SOS2: variants seen among roughly 807,000 people sequenced by gnomAD.
SOS2 encodes son of sevenless homolog 2.
In SOS2, 65 loss-of-function variants were observed where a neutral mutation model predicts 148.2. The ratio of observed to expected loss-of-function variants is 0.44; its 90% CI spans 0.36 to 0.54. The LOEUF (loss-of-function observed/expected upper bound fraction) is 0.54. Ranked by LOEUF, SOS2 falls within the 20% of genes least tolerant of loss-of-function variation. The pLI is 0.00. For missense variants in SOS2, 1,341 were observed against 1,590.2 expected (o/e 0.84, Z 2.67); for synonymous variants, 539 against 537.1 (o/e 1.00, Z -0.05).
chr14:50,140,366 T>C (rs1283794140), intron 16 of SOS2, among the ~76,000 whole-genome samples: 1 of 152,260 alleles, frequency 6.6e-6, no homozygotes, highest in African/African-American at 2.4e-5. Context: ...ATGAAAATTA[T>C]AACCCCTGAA....
At chr14:50,122,087 A>C (rs1257461596) in intron 21 of SOS2, among the ~76,000 whole-genome samples, 1 of 152,188 alleles carries the variant, frequency 6.6e-6, no homozygotes, top group Non-Finnish European at 1.5e-5. Context: ...GGTATAAATC[A>C]ATCAGAGTAA....
In SOS2 at chr14:50,225,609, C is replaced by T. The variant is rs1005065685; in HGVS notation, c.87+5588G>A. Among the ~76,000 whole-genome samples the T allele has an allele frequency of 8.1e-4, 123 of 152,258 alleles. 1 individual carries two copies. The highest frequency in any genetic ancestry group is 2.6e-3 in the African/African-American group (110 of 41,546). ...CTCATCTAGTTCTGGCTGAACTCTT[C>T]GGGTCAGTTTGGGTCATTATTAGTT... On this transcript the variant is annotated intron_variant, in intron 1 of 22. Coordinates refer to ENST00000216373, the MANE Select transcript of SOS2 (RefSeq NM_006939.4).
At chr14:50,133,242 CTTTTTTCTT>C (rs1883955434) in intron 19 of SOS2, among the ~76,000 whole-genome samples, 1 of 78,808 alleles carries the variant, frequency 1.3e-5, no homozygotes, top group South Asian at 3.9e-4. Flanking sequence ...TTTCTTTTTT[CTTTTTTCTT>C]TTTTTTTTTT....
At chr14:50,183,071 T>C (rs1490091189) in intron 5 of SOS2, among the ~76,000 whole-genome samples, 2 of 152,216 alleles carry the variant, frequency 1.3e-5, no homozygotes, top group Admixed American at 1.3e-4. Flanking sequence ...ATTTTTGCAT[T>C]TTGCTCTTGG....
intron 13 of SOS2, 28 bp downstream of exon 13, chr14:50,153,042 G>T: frequency 9.5e-7 from 1 of 1,054,532 alleles, no homozygotes; most frequent in Non-Finnish European, 1.4e-6. Flanking sequence ...TTCAATATAA[G>T]ATTCAATCAA....
chr14:50,137,134 T>TAATA (rs1292761008), intron 18 of SOS2, among the ~76,000 whole-genome samples: 3 of 152,190 alleles, frequency 2.0e-5, no homozygotes, highest in African/African-American at 7.2e-5. Context: ...AGTTCAAGTA[T>TAATA]AATATAATAA....
chr14:50,141,649 A>T (rs1364449211), intron 16 of SOS2, among the ~76,000 whole-genome samples: 1 of 152,240 alleles, frequency 6.6e-6, no homozygotes, highest in Non-Finnish European at 1.5e-5. Context: ...CGATGTTCAC[A>T]GTTGAAAAGA....
intron 8 of SOS2, among the ~76,000 whole-genome samples, chr14:50,164,299 G>T (rs1481355582): frequency 1.3e-5 from 2 of 152,004 alleles, no homozygotes; most frequent in African/African-American, 4.8e-5. Context: ...AATTAGCCGG[G>T]CGTGGTGATG....
chr14:50,191,915 T>G (rs1331946842), intron 4 of SOS2, among the ~76,000 whole-genome samples: 1 of 151,974 alleles, frequency 6.6e-6, no homozygotes, highest in African/African-American at 2.4e-5. Context: ...GTCACCAGTC[T>G]GAAACTGGGA....
At chr14:50,122,391 CT>C (rs71118839) in intron 21 of SOS2, among the ~76,000 whole-genome samples, 10 of 88,288 alleles carry the variant, frequency 1.1e-4, no homozygotes, top group Admixed American at 3.2e-4. Flanking sequence ...GAACCCTGGG[CT>C]TTTTTTTTTT....
chr14:50,206,633 C>T (rs1057161124), intron 1 of SOS2, among the ~76,000 whole-genome samples: 4 of 152,134 alleles, frequency 2.6e-5, no homozygotes, highest in Non-Finnish European at 5.9e-5. Flanking sequence ...GGATTAAGAA[C>T]CCAAGGATAA....
At chr14:50,121,613 T>C (rs1280150407) in intron 21 of SOS2, among the ~76,000 whole-genome samples, 2 of 141,754 alleles carry the variant, frequency 1.4e-5, no homozygotes, top group East Asian at 2.1e-4. Context: ...TGTGGGGAGG[T>C]TAGGCAGAGG....
At position 50,145,041 on chromosome 14, in the gene SOS2, A is replaced by G. The variant is rs1566825598; in HGVS notation, c.2667+129T>C. 20 of 418,892 alleles carry G rather than the reference A, an allele frequency of 4.8e-5. No individual in the cohort carries two copies. The East Asian group carries it at 7.8e-4, about 16-fold the overall frequency. 25.9% of individuals were successfully genotyped at this position (418,892 alleles called of 1,614,324 possible). On this transcript the variant is annotated intron_variant, in intron 16 of 22. Coordinates refer to ENST00000216373, the MANE Select transcript of SOS2 (RefSeq NM_006939.4). ...TATCAACATATTTTCTAATATATTT[A>G]TATCATATTTATGAAGCAAGGATGA...
chr14:50,223,079 G>A (rs73291663), intron 1 of SOS2, among the ~76,000 whole-genome samples: 32,923 of 151,950 alleles, frequency 0.22, 3,935 homozygotes, highest in East Asian at 0.44. Flanking sequence ...TTAGATGTGT[G>A]GTATAAAAAA....
At chr14:50,149,072 T>C (rs1884582333) in intron 14 of SOS2, among the ~76,000 whole-genome samples, 1 of 152,158 alleles carries the variant, frequency 6.6e-6, no homozygotes, top group South Asian at 2.1e-4. Flanking sequence ...CTATTTTTTG[T>C]AGTTTTTGTA....
At chr14:50,207,253 C>T (rs530516280) in intron 1 of SOS2, among the ~76,000 whole-genome samples, 1 of 152,242 alleles carries the variant, frequency 6.6e-6, no homozygotes, top group African/African-American at 2.4e-5. Flanking sequence ...TGGTTCATGC[C>T]TGTAATCCCA....
rs1883321506 is a variant in SOS2 at position 50,117,459 on chromosome 14, A to C, written c.*885T>G. ...AGTTACTAGGTCTTGAAGGCAAGGC[A>C]GTTGGTTCCTATGCCATAGAATTTT... On this transcript the variant is annotated 3_prime_UTR_variant, in exon 23 of 23. Transcript: ENST00000216373. The C allele has an allele frequency of 6.6e-6, 1 of 152,266 alleles. No individual in the cohort carries two copies. Among genetic ancestry groups the C allele is most frequent in the African/African-American group, 2.4e-5 (1 of 41,470 alleles). 9.4% of individuals were successfully genotyped at this position (152,266 alleles called of 1,614,324 possible). A position where few individuals can be genotyped will look rare whatever the true frequency, so the allele number is the denominator to read the frequency against.
chr14:50,227,194 T>G (rs545036749), intron 1 of SOS2, among the ~76,000 whole-genome samples: 1 of 152,174 alleles, frequency 6.6e-6, no homozygotes, highest in African/African-American at 2.4e-5. Context: ...CCCAAAATTA[T>G]TTTTCCATAA....
chr14:50,158,414 C>A (rs1884885098), intron 11 of SOS2, 151 bp downstream of exon 11: 1 of 520,750 alleles, frequency 1.9e-6, no homozygotes, highest in Non-Finnish European at 3.5e-6. Flanking sequence ...GGGAGTACTC[C>A]ATTTGAAGAG....
Sources: gnomAD v4.1 joint callset for allele counts (sites outside exome capture counted in the v4.1 genomes callset) on GRCh38, gnomAD v4.1.1 for gene constraint, MANE v1.5 for transcripts, NCBI Gene and HGNC (gene_info 2026-07-23, HGNC 2026-07-21) for gene names.